The following GLRA3 variants were observed in gnomAD, a reference collection of about 807,000 sequenced individuals.
GLRA3 encodes the protein glycine receptor alpha 3.
GLRA3 carries 44 observed loss-of-function variants against 60.4 expected under a neutral mutation model. The observed-to-expected ratio is 0.73, with a 90% confidence interval of 0.57 to 0.94. GLRA3 has a LOEUF of 0.94. Ranked by LOEUF, GLRA3 falls within the 40% of genes least tolerant of loss-of-function variation. The probability of loss-of-function intolerance (pLI) is 0.00; values close to 1 mark genes in which losing one functional copy is unlikely to be tolerated. For missense variants in GLRA3, 508 were observed against 564.6 expected (o/e 0.90, Z 1.02); for synonymous variants, 223 against 192.9 (o/e 1.16, Z -1.29).
At chr4:174,695,916 A>G (rs1357252217) in intron 5 of GLRA3, among the ~76,000 whole-genome samples, 1 of 152,162 alleles carries the variant, frequency 6.6e-6, no homozygotes, top group Non-Finnish European at 1.5e-5. Context: ...TCAATGTACA[A>G]AAATCACTAT....
chr4:174,795,944 T>G (rs1739548875), intron 1 of GLRA3, among the ~76,000 whole-genome samples: 1 of 152,196 alleles, frequency 6.6e-6, no homozygotes, highest in Non-Finnish European at 1.5e-5. Flanking sequence ...TACAGATTGA[T>G]GCCTATAAAA....
chr4:174,705,789 T>A (rs1303943476), intron 5 of GLRA3, among the ~76,000 whole-genome samples: 1 of 88,714 alleles, frequency 1.1e-5, no homozygotes. Flanking sequence ...TGATAACAAG[T>A]GAGAAATGAG....
chr4:174,668,759 A>G (rs1238561042), intron 7 of GLRA3, among the ~76,000 whole-genome samples: 3 of 152,288 alleles, frequency 2.0e-5, no homozygotes, highest in Admixed American at 1.3e-4. Flanking sequence ...CTATAAGGTA[A>G]ATTTCCAGGG....
Position 174,715,556 on chromosome 4 carries a change from A to C in GLRA3, c.506T>G (p.Leu169Arg). Residue 169 changes from leucine (L) to arginine (R), a missense_variant, in exon 5 of 10, where the codon CTT (leucine) becomes CGT (arginine). By Grantham distance (102) the Leu-to-Arg change is moderately radical. This residue lies in a region of GLRA3 where 329 missense variants were observed against 349.3 expected (regional missense o/e 0.94). Transcript: ENST00000274093. ...VLYSIRLTLTLSCPMDLKNFP... is the reference protein window; with the variant it reads ...VLYSIRLTLTRSCPMDLKNFP... Reference sequence around the variant, plus strand: ...ATTCTTGAGATCCATTGGACAGGAAAGTGTTAATGTTAATCTGAAAGTCAA... The same window carrying C: ...ATTCTTGAGATCCATTGGACAGGAACGTGTTAATGTTAATCTGAAAGTCAA... 1 of 1,492,212 alleles carries C rather than the reference A, an allele frequency of 6.7e-7. No homozygotes were observed. The highest frequency in any genetic ancestry group is 1.4e-5 in the African/African-American group (1 of 72,498). 92.4% of individuals were successfully genotyped at this position (1,492,212 alleles called of 1,614,324 possible). A position where few individuals can be genotyped will look rare whatever the true frequency, so the allele number is the denominator to read the frequency against.
chr4:174,664,575 C>A (rs1042554239), intron 7 of GLRA3, among the ~76,000 whole-genome samples: 2 of 152,152 alleles, frequency 1.3e-5, no homozygotes, highest in African/African-American at 4.8e-5. Flanking sequence ...TTCCATTTCT[C>A]AAGTTTATCA....
chr4:174,727,812 A>G (rs1285229021), intron 4 of GLRA3, among the ~76,000 whole-genome samples: 2 of 152,086 alleles, frequency 1.3e-5, no homozygotes, highest in Non-Finnish European at 2.9e-5. Flanking sequence ...TTTTAATGCT[A>G]TACACTTTTC....
At chr4:174,778,522 C>G (rs559172511) in intron 2 of GLRA3, among the ~76,000 whole-genome samples, 10 of 152,234 alleles carry the variant, frequency 6.6e-5, no homozygotes, top group African/African-American at 2.2e-4. Flanking sequence ...CCAGCGTGAC[C>G]GATGCAGAAG....
At chr4:174,771,617 T>C (rs894061840) in intron 2 of GLRA3, among the ~76,000 whole-genome samples, 3 of 152,112 alleles carry the variant, frequency 2.0e-5, no homozygotes, top group South Asian at 2.1e-4. Flanking sequence ...TACAGCCATG[T>C]TGGGGGAACA....
intron 5 of GLRA3, among the ~76,000 whole-genome samples, chr4:174,710,282 T>C (rs1036976870): frequency 6.6e-6 from 1 of 152,074 alleles, no homozygotes; most frequent in Admixed American, 6.6e-5. Flanking sequence ...TAATTCAAGC[T>C]CTATCCTAAA....
intron 3 of GLRA3, among the ~76,000 whole-genome samples, chr4:174,734,630 T>C (rs556517690): frequency 5.3e-5 from 8 of 152,332 alleles, no homozygotes; most frequent in African/African-American, 1.9e-4. Context: ...AGCAATCTAA[T>C]TGTGTACCAG....
intron 3 of GLRA3, 53 bp from the exon 4 acceptor site, chr4:174,728,751 T>G (rs1265571215): frequency 8.6e-7 from 1 of 1,158,818 alleles, no homozygotes; most frequent in Non-Finnish European, 1.2e-6. Flanking sequence ...TTAAAAAGTT[T>G]AAAATCCATA....
At chr4:174,811,901 G>T (rs371264881) in intron 1 of GLRA3, among the ~76,000 whole-genome samples, 1 of 152,134 alleles carries the variant, frequency 6.6e-6, no homozygotes, top group African/African-American at 2.4e-5. Context: ...ATTTCAAAAT[G>T]ATTACATAAA....
intron 3 of GLRA3, among the ~76,000 whole-genome samples, chr4:174,729,260 A>G (rs1358412764): frequency 6.6e-6 from 1 of 152,232 alleles, no homozygotes; most frequent in Non-Finnish European, 1.5e-5. Context: ...AGAATAATTT[A>G]TTTTAGTAGA....
At chr4:174,735,237 C>A (rs1290612548) in intron 3 of GLRA3, among the ~76,000 whole-genome samples, 2 of 152,258 alleles carry the variant, frequency 1.3e-5, no homozygotes, top group African/African-American at 4.8e-5. Flanking sequence ...TGTCAACAAG[C>A]CTGTGGGTAG....
At chr4:174,688,317 TCATATATATATATATATATA>T (rs1451221382) in intron 5 of GLRA3, among the ~76,000 whole-genome samples, 1,341 of 71,330 alleles carry the variant, frequency 0.019, 61 homozygotes, top group African/African-American at 0.063. Context: ...TTACCTGACA[TCATATATATATATATATATA>T]TATATATATA....
At chr4:174,754,358 A>G (rs1269074262) in intron 3 of GLRA3, among the ~76,000 whole-genome samples, 1 of 152,168 alleles carries the variant, frequency 6.6e-6, no homozygotes, top group East Asian at 1.9e-4. Context: ...CATGGAATTA[A>G]AAATCTTCCA....
intron 2 of GLRA3, among the ~76,000 whole-genome samples, chr4:174,782,084 C>A (rs1216933695): frequency 1.8e-4 from 26 of 148,094 alleles, no homozygotes; most frequent in African/African-American, 4.7e-4. Flanking sequence ...TACTGGCAAA[C>A]CGAATCCAGC....
At chr4:174,737,895 A>AT (rs1198387133) in intron 3 of GLRA3, among the ~76,000 whole-genome samples, 7 of 152,302 alleles carry the variant, frequency 4.6e-5, no homozygotes, top group African/African-American at 4.8e-5. Flanking sequence ...TTCTTTGGGA[A>AT]TTTTTTTAAT....
At chr4:174,650,320 CTG>C (rs1166211859) in intron 9 of GLRA3, among the ~76,000 whole-genome samples, 1 of 152,144 alleles carries the variant, frequency 6.6e-6, no homozygotes, top group African/African-American at 2.4e-5. Flanking sequence ...CTAAAGCAGA[CTG>C]TGAGAGATCT....
Sources: allele counts gnomAD v4.1 joint callset (sites outside exome capture counted in the v4.1 genomes callset), GRCh38; gene constraint gnomAD v4.1.1; regional missense constraint gnomAD v4.1.1; transcripts MANE v1.5; gene names NCBI Gene and HGNC (gene_info 2026-07-23, HGNC 2026-07-21).